Variants in CACHD1 observed in about 807,000 individuals in gnomAD.
CACHD1 encodes the protein cache domain containing 1.
A neutral mutation model predicts 138.7 loss-of-function variants in CACHD1; 71 were observed. That is an observed-to-expected ratio of 0.51 (90% CI 0.42 to 0.62). CACHD1 has a LOEUF of 0.62. Ranked by LOEUF, CACHD1 falls within the 20% of genes least tolerant of loss-of-function variation. CACHD1 has a pLI of 0.00. For missense variants in CACHD1, 1,389 were observed against 1,625.3 expected (o/e 0.85, Z 2.50); for synonymous variants, 578 against 591.5 (o/e 0.98, Z 0.33).
chr1:64,604,902 C>T (rs983679583), intron 4 of CACHD1, among the ~76,000 whole-genome samples: 4 of 151,476 alleles, frequency 2.6e-5, no homozygotes, highest in South Asian at 2.1e-4. Flanking sequence ...CTACCCGCCT[C>T]GGCCTTCCAA....
intron 1 of CACHD1, among the ~76,000 whole-genome samples, chr1:64,531,510 T>A (rs1435322677): frequency 6.6e-6 from 1 of 151,790 alleles, no homozygotes; most frequent in Non-Finnish European, 1.5e-5. Context: ...TGTGTGTGTG[T>A]GTGTGTGTGT....
At chr1:64,669,932 C>T (rs895231918) in intron 16 of CACHD1, among the ~76,000 whole-genome samples, 3 of 152,184 alleles carry the variant, frequency 2.0e-5, no homozygotes, top group Non-Finnish European at 4.4e-5. Flanking sequence ...GTAGAAAGAG[C>T]CAGGTGTGGG....
intron 2 of CACHD1, 23 bp from the exon 3 acceptor site, chr1:64,582,133 T>A (rs1383624862): frequency 4.3e-6 from 7 of 1,611,794 alleles, no homozygotes; most frequent in Non-Finnish European, 5.1e-6. Flanking sequence ...TTTCGATTTA[T>A]TTTGCTCACT....
intron 1 of CACHD1, among the ~76,000 whole-genome samples, chr1:64,508,949 T>C (rs1227874175): frequency 2.0e-5 from 3 of 152,160 alleles, no homozygotes; most frequent in African/African-American, 7.2e-5. Flanking sequence ...AGGGTTCTTC[T>C]CTTTCTATGA....
chr1:64,640,589 G>A (rs113874291), intron 7 of CACHD1, among the ~76,000 whole-genome samples: 3 of 151,666 alleles, frequency 2.0e-5, no homozygotes, highest in Admixed American at 1.3e-4. Context: ...CATGAGAATC[G>A]CTTGAACCCT....
Position 64,551,397 on chromosome 1 carries a change from G to A in CACHD1, c.261+741G>A, listed in dbSNP as rs1292548956. On this transcript the variant is annotated intron_variant, in intron 2 of 26. Coordinates refer to ENST00000651257, the MANE Select transcript of CACHD1 (RefSeq NM_020925.4). ...TAATTGATCTGTGCTTGAAAAGAAG[G>A]GTGGTAAATAGGAGTTGGTTTTAAT... is the stretch of plus-strand genomic sequence containing the variant. Among the ~76,000 whole-genome samples the A allele has an allele frequency of 9.2e-5, 14 of 152,036 alleles. No homozygotes were observed. In the East Asian group the frequency reaches 2.7e-3, roughly 29 times the overall value.
At chr1:64,495,507 C>G (rs1478060810) in intron 1 of CACHD1, among the ~76,000 whole-genome samples, 1 of 152,138 alleles carries the variant, frequency 6.6e-6, no homozygotes, top group Admixed American at 6.5e-5. Flanking sequence ...CCCTTATCTT[C>G]CAAGTGTGAA....
chr1:64,572,933 A>T (rs1646937707), intron 2 of CACHD1, among the ~76,000 whole-genome samples: 1 of 152,144 alleles, frequency 6.6e-6, no homozygotes, highest in African/African-American at 2.4e-5. Context: ...CCAGGTCTTC[A>T]TCTATCTTGT....
chr1:64,470,798 G>T lies in CACHD1; in HGVS notation c.54G>T (p.Pro18=). 1 of 1,255,802 alleles carries T rather than the reference G, an allele frequency of 8.0e-7. No individual in the cohort carries two copies. Among genetic ancestry groups the T allele is most frequent in the Non-Finnish European group, 1.1e-6 (1 of 901,980 alleles). 77.8% of individuals were successfully genotyped at this position (1,255,802 alleles called of 1,614,324 possible). A position where few individuals can be genotyped will look rare whatever the true frequency, so the allele number is the denominator to read the frequency against. The change falls in exon 1 of 27, where the codon CCG becomes CCT. Residue 18 remains proline (P), a synonymous_variant. Coordinates refer to ENST00000651257, the MANE Select transcript of CACHD1 (RefSeq NM_020925.4). This position sits in a 1 kb window ranked among gnomAD's most constrained non-coding sequence, Gnocchi z 5.2. Reference sequence around the variant, plus strand: ...CGGCCGTGGCCCGGGCGCGGCGGCCGCCCCTCTGGCTGCTCTGCCTGGTCG... The same window carrying T: ...CGGCCGTGGCCCGGGCGCGGCGGCCTCCCCTCTGGCTGCTCTGCCTGGTCG... ...EETAVARARR[P]PLWLLCLVAC...
chr1:64,619,888 A>G (rs920094367), intron 4 of CACHD1, among the ~76,000 whole-genome samples: 3 of 152,174 alleles, frequency 2.0e-5, no homozygotes, highest in Non-Finnish European at 2.9e-5. Context: ...AAGTTGCTTC[A>G]CTTGTCTCAG....
At chr1:64,596,166 C>T (rs1486671368) in intron 3 of CACHD1, among the ~76,000 whole-genome samples, 2 of 152,088 alleles carry the variant, frequency 1.3e-5, no homozygotes, top group East Asian at 1.9e-4. Context: ...TTGAAGTGAT[C>T]CTGCTCTTGC....
rs1646750604 is a variant in CACHD1 at position 64,550,511 on chromosome 1, T to C, written c.199-83T>C. 3.0e-6 allele frequency: 3 copies of C among 1,000,270 alleles called. No individual in the cohort carries two copies. The South Asian group carries it at 4.4e-5, about 15-fold the overall frequency. 62.0% of individuals were successfully genotyped at this position (1,000,270 alleles called of 1,614,324 possible). On this transcript the variant is annotated intron_variant, in intron 1 of 26. Coordinates refer to ENST00000651257, the MANE Select transcript of CACHD1 (RefSeq NM_020925.4). ...TTTTTTTTCTACTAGATTCTATTTG[T>C]TGTAAACAAATTATTCACATACACA...
intron 17 of CACHD1, among the ~76,000 whole-genome samples, chr1:64,672,857 A>G (rs1649861127): frequency 6.6e-6 from 1 of 152,182 alleles, no homozygotes; most frequent in African/African-American, 2.4e-5. Context: ...ACATCTTTGC[A>G]AAAGGTCTGA....
chr1:64,571,193 A>G (rs955752670), intron 2 of CACHD1, among the ~76,000 whole-genome samples: 3 of 152,328 alleles, frequency 2.0e-5, no homozygotes, highest in Non-Finnish European at 2.9e-5. Context: ...GTCTTTAACA[A>G]TTGAAGAAAT....
chr1:64,629,553 A>G (rs1162191125), intron 5 of CACHD1, 72 bp downstream of exon 5: 2 of 1,513,296 alleles, frequency 1.3e-6, no homozygotes, highest in East Asian at 2.3e-5. Context: ...AAAACTTCTC[A>G]TTTCTACTCA....
chr1:64,630,782 C>G (rs6693972), intron 5 of CACHD1, among the ~76,000 whole-genome samples: 99,550 of 152,016 alleles, frequency 0.65, 34,313 homozygotes, highest in Non-Finnish European at 0.77. Context: ...TTTAACGAAG[C>G]ACCTGTGAAG....
intron 2 of CACHD1, among the ~76,000 whole-genome samples, chr1:64,577,505 GA>G (rs1260242539): frequency 5.3e-5 from 8 of 152,172 alleles, no homozygotes; most frequent in Admixed American, 2.0e-4. Context: ...AGTAAAGGTT[GA>G]AGGTTTGGGC....
Position 64,692,342 on chromosome 1 carries a change from T to C in CACHD1, c.*781T>C, listed in dbSNP as rs545477606. On this transcript the variant is annotated 3_prime_UTR_variant, in exon 27 of 27. Coordinates refer to ENST00000651257, the MANE Select transcript of CACHD1 (RefSeq NM_020925.4). ...TTTCACGGAAACACATCTTTGTTTG[T>C]AATGCAGTATTCTTTCTCTGTGTTT... is the stretch of plus-strand genomic sequence containing the variant. 4.7e-4 allele frequency: 72 copies of C among 152,360 alleles called. No homozygotes were observed. The highest frequency in any genetic ancestry group is 1.7e-3 in the African/African-American group (72 of 41,590). The allele number at this position is 152,360 out of a possible 1,614,324, so 9.4% of individuals were successfully genotyped here.
rs1282437630 is a variant in CACHD1 at position 64,606,131 on chromosome 1, G to GCA, written c.517+3227_517+3228dup. Among the ~76,000 whole-genome samples the GCA allele has an allele frequency of 9.5e-3, 927 of 97,902 alleles. 13 individuals carry two copies. Among genetic ancestry groups the GCA allele is most frequent in the African/African-American group, 0.044 (868 of 19,620 alleles). 64.2% of individuals were successfully genotyped at this position (97,902 alleles called of 152,430 possible). On this transcript the variant is annotated intron_variant, in intron 4 of 26. Transcript: ENST00000651257. ...AACACACACACACACACACACACAC[G>GCA]CACACACACGCACACAGCTTATAAT...
Sources: gnomAD v4.1 joint callset for allele counts (sites outside exome capture counted in the v4.1 genomes callset) on GRCh38, gnomAD v4.1.1 for gene constraint, Gnocchi (gnomAD v3.1) non-coding constraint, MANE v1.5 for transcripts, NCBI Gene and HGNC (gene_info 2026-07-23, HGNC 2026-07-21) for gene names.